Variants in OXSR1 observed in about 807,000 individuals in gnomAD.
OXSR1 encodes oxidative stress responsive kinase 1.
OXSR1 carries 24 observed loss-of-function variants against 79.8 expected under a neutral mutation model. The observed-to-expected ratio is 0.30, with a 90% CI of 0.22 to 0.42. OXSR1 has a LOEUF of 0.42. OXSR1 is among the 10% of genes least tolerant of loss of function. The pLI is 1.00. For synonymous variants in OXSR1, 226 were observed against 209.2 expected, an observed-to-expected ratio of 1.08 and a Z score of -0.69; for missense variants, 430 against 618.4, an observed-to-expected ratio of 0.70 and a Z score of 3.23.
In OXSR1 at chr3:38,222,394, G is replaced by A. The variant is rs150350153; in HGVS notation, c.600+707G>A. On this transcript the variant is annotated intron_variant, in intron 6 of 17. Coordinates refer to ENST00000311806, the MANE Select transcript of OXSR1 (RefSeq NM_005109.3). ...TGAGAAGATAAGATTGGCTGACACG[G>A]AACCGAAATCTGCTTCTCAGGGGCA... Among the ~76,000 whole-genome samples, 99 of 152,242 alleles carry A rather than the reference G, an allele frequency of 6.5e-4. No homozygotes were observed. In the East Asian group the frequency reaches 0.019, roughly 28 times the overall value.
intron 8 of OXSR1, among the ~76,000 whole-genome samples, chr3:38,226,499 TATGAAAAAGGAAAA>T (rs1295942238): frequency 3.3e-5 from 5 of 151,502 alleles, no homozygotes; most frequent in Admixed American, 3.3e-4. Flanking sequence ...ATGAGTAGAG[TATGAAAAAGGAAAA>T]ATAGCAACTT....
intron 4 of OXSR1, among the ~76,000 whole-genome samples, chr3:38,205,939 G>A (rs1157177835): frequency 1.3e-5 from 2 of 152,202 alleles, no homozygotes; most frequent in African/African-American, 2.4e-5. Flanking sequence ...TTTTAAGGGG[G>A]AAGATTTATC....
At chr3:38,220,204 T>C (rs1702561975) in intron 5 of OXSR1, among the ~76,000 whole-genome samples, 1 of 152,142 alleles carries the variant, frequency 6.6e-6, no homozygotes, top group African/African-American at 2.4e-5. Context: ...TTTTAAACTG[T>C]ACTGTATAGA....
At position 38,253,069 on chromosome 3, in the gene OXSR1, G is replaced by T. The variant is rs932803696; in HGVS notation, c.*178G>T. ...CTCCTTTTCCCACAGGGAAAGAAAA[G>T]TTGGATCACTAGTGGCCAGCATCCC... On this transcript the variant is annotated 3_prime_UTR_variant, in exon 18 of 18. Transcript: ENST00000311806. 3.3e-6 allele frequency: 2 copies of T among 600,686 alleles called. No individual in the cohort carries two copies. Among genetic ancestry groups the T allele is most frequent in the African/African-American group, 3.7e-5 (2 of 53,592 alleles). 37.2% of individuals were successfully genotyped at this position (600,686 alleles called of 1,614,324 possible).
chr3:38,215,474 G>A lies in OXSR1; in HGVS notation c.435-622G>A, dbSNP rs577392022. On this transcript the variant is annotated intron_variant, in intron 4 of 17. Coordinates refer to ENST00000311806, the MANE Select transcript of OXSR1 (RefSeq NM_005109.3). ...ACTAAGTTGTAGATTTGAATGGATAGTATAATATTGTTTACATTGGGAGAA... is the reference window on the plus strand; with the variant it reads ...ACTAAGTTGTAGATTTGAATGGATAATATAATATTGTTTACATTGGGAGAA... Among the ~76,000 whole-genome samples, 6 of 152,248 alleles carry A rather than the reference G, an allele frequency of 3.9e-5. No homozygotes were observed. The South Asian group carries it at 1.2e-3, about 32-fold the overall frequency.
intron 8 of OXSR1, among the ~76,000 whole-genome samples, chr3:38,226,821 A>T (rs143596360): frequency 1.3e-4 from 19 of 151,800 alleles, no homozygotes; most frequent in Non-Finnish European, 2.5e-4. Flanking sequence ...GGAAAGCAAG[A>T]GTATCCTATA....
At chr3:38,171,676 T>G (rs1701584828) in intron 1 of OXSR1, among the ~76,000 whole-genome samples, 2 of 152,172 alleles carry the variant, frequency 1.3e-5, no homozygotes, top group Non-Finnish European at 2.9e-5. Flanking sequence ...CTTTTTTTTT[T>G]TTTTAAAGAA....
At chr3:38,211,244 A>G (rs1702381494) in intron 4 of OXSR1, among the ~76,000 whole-genome samples, 1 of 152,098 alleles carries the variant, frequency 6.6e-6, no homozygotes, top group Non-Finnish European at 1.5e-5. Context: ...GCAAATCAGC[A>G]TCCTTTGAGC....
intron 5 of OXSR1, 35 bp from the exon 6 acceptor site, chr3:38,221,543 C>A: frequency 9.3e-7 from 1 of 1,078,330 alleles, no homozygotes; most frequent in Non-Finnish European, 1.4e-6. Flanking sequence ...ATAGTTGATG[C>A]ACTTTAAATA....
intron 2 of OXSR1, among the ~76,000 whole-genome samples, chr3:38,188,206 A>G (rs1317895585): frequency 6.6e-6 from 1 of 152,116 alleles, no homozygotes; most frequent in Non-Finnish European, 1.5e-5. Context: ...AAGACCTTCC[A>G]CAATTTGACC....
rs573431723 is a variant in OXSR1, at chr3:38,188,807, T to C, written c.184-1924T>C. On this transcript the variant is annotated intron_variant, in intron 2 of 17. Coordinates refer to ENST00000311806, the MANE Select transcript of OXSR1 (RefSeq NM_005109.3). Reference sequence around the variant, plus strand: ...TCCAAGCCTTCCATGTTATGACTCCTATTTTTTAATGTGCCTCTCCAATGA... The same window carrying C: ...TCCAAGCCTTCCATGTTATGACTCCCATTTTTTAATGTGCCTCTCCAATGA... Among the ~76,000 whole-genome samples the C allele has an allele frequency of 3.3e-5, 5 of 152,316 alleles. No individual in the cohort carries two copies. In the East Asian group the frequency reaches 9.6e-4, roughly 29 times the overall value.
chr3:38,252,756 A>T, intron 17 of OXSR1, 61 bp from the exon 18 acceptor site: 1 of 1,367,934 alleles, frequency 7.3e-7, no homozygotes, highest in African/African-American at 1.4e-5. Flanking sequence ...TGTCTGTTTT[A>T]TTTGCTACCT....
chr3:38,179,716 AC>A (rs1701745292), intron 1 of OXSR1, among the ~76,000 whole-genome samples: 1 of 149,206 alleles, frequency 6.7e-6, no homozygotes, highest in Admixed American at 6.7e-5. Context: ...GTCCTGCAGG[AC>A]CCTCATTGTG....
intron 4 of OXSR1, among the ~76,000 whole-genome samples, chr3:38,212,741 A>G (rs1337392531): frequency 6.6e-6 from 1 of 152,228 alleles, no homozygotes; most frequent in Admixed American, 6.5e-5. Flanking sequence ...ATTAAGCAGT[A>G]AAAAACAAAA....
rs990312566 is a variant in OXSR1 at position 38,165,722 on chromosome 3, C to T, written c.-155C>T. 2.1e-5 allele frequency: 13 copies of T among 628,504 alleles called. No homozygotes were observed. Among genetic ancestry groups the T allele is most frequent in the African/African-American group, 7.8e-5 (4 of 51,062 alleles). 38.9% of individuals were successfully genotyped at this position (628,504 alleles called of 1,614,324 possible). ...CCCGCTGCTCTGCCGCGCGGTGACCCCGCGCCCCGGCGCCGTCCGACCCGT... is the reference window on the plus strand; with the variant it reads ...CCCGCTGCTCTGCCGCGCGGTGACCTCGCGCCCCGGCGCCGTCCGACCCGT... On this transcript the variant is annotated 5_prime_UTR_variant, in exon 1 of 18. Coordinates refer to ENST00000311806, the MANE Select transcript of OXSR1 (RefSeq NM_005109.3).
At chr3:38,222,195 G>C (rs1182201352) in intron 6 of OXSR1, among the ~76,000 whole-genome samples, 1 of 152,110 alleles carries the variant, frequency 6.6e-6, no homozygotes, top group Non-Finnish European at 1.5e-5. Flanking sequence ...CCTGACACTG[G>C]ACAGATGAGA....
intron 4 of OXSR1, among the ~76,000 whole-genome samples, chr3:38,214,254 A>G (rs959924076): frequency 1.3e-5 from 2 of 151,498 alleles, no homozygotes; most frequent in East Asian, 1.9e-4. Context: ...AAATTTAAAT[A>G]GTTATTTAAA....
intron 1 of OXSR1, among the ~76,000 whole-genome samples, chr3:38,168,094 G>C (rs997512975): frequency 4.6e-5 from 7 of 152,102 alleles, no homozygotes; most frequent in African/African-American, 1.7e-4. Context: ...CAGTCTTCTG[G>C]ATAGGGTTAG....
chr3:38,184,814 G>T (rs894610611), intron 2 of OXSR1, among the ~76,000 whole-genome samples: 9 of 139,638 alleles, frequency 6.4e-5, no homozygotes, highest in African/African-American at 2.4e-4. Flanking sequence ...TTAAAAATCA[G>T]GTCTTTCTGA....
Sources: gnomAD v4.1 joint callset for allele counts (sites outside exome capture counted in the v4.1 genomes callset) on GRCh38, gnomAD v4.1.1 for gene constraint, MANE v1.5 for transcripts, NCBI Gene and HGNC (gene_info 2026-07-23, HGNC 2026-07-21) for gene names.